GRTP1: variants seen among roughly 807,000 people sequenced by gnomAD.
GRTP1 encodes the protein growth hormone-regulated TBC protein 1.
Under a neutral mutation model 38.1 loss-of-function variants are expected in GRTP1, and 56 were observed. That is an observed-to-expected ratio of 1.47 (90% confidence interval 1.19 to 1.84). The LOEUF is 1.84. Ranked by LOEUF, GRTP1 falls within the 40% of genes most tolerant of loss-of-function variation. The probability of loss-of-function intolerance (pLI) is 0.00; values close to 1 mark genes in which losing one functional copy is unlikely to be tolerated. For synonymous variants in GRTP1, 217 were observed against 189.5 expected (o/e 1.14, Z -1.19); for missense variants, 506 against 453.9 (o/e 1.11, Z -1.04).
chr13:113,347,891 C>T (rs2043193139), intron 4 of GRTP1, among the ~76,000 whole-genome samples: 1 of 146,686 alleles, frequency 6.8e-6, no homozygotes, highest in African/African-American at 2.5e-5. Context: ...AAGCCGAGAG[C>T]AGACCCGGGA....
rs191882542 is a variant in GRTP1 at position 113,347,521 on chromosome 13, C to T, written c.466-2562G>A. On this transcript the variant is annotated intron_variant, in intron 4 of 7. Transcript: ENST00000375431. ...GTGGCCGAGAGCGGACCCAGGAGCA[C>T]CTCTGTGGCTGAGCGGATCCGGGAG... 3.4e-3 allele frequency among the ~76,000 whole-genome samples: 220 copies of T among 64,926 alleles called. 18 individuals are homozygous for T. The Middle Eastern group carries it at 0.041, about 12-fold the overall frequency. The allele number at this position is 64,926 out of a possible 152,430, so 42.6% of individuals were successfully genotyped here.
chr13:113,325,333 C>CG (rs1338847488), intron 7 of GRTP1: 2 of 1,401,622 alleles, frequency 1.4e-6, no homozygotes, highest in African/African-American at 2.9e-5. Flanking sequence ...TGAGTCTATA[C>CG]GGCCTGCGCC....
At chr13:113,363,235 T>C (rs947371180) in intron 2 of GRTP1, among the ~76,000 whole-genome samples, 20 of 151,916 alleles carry the variant, frequency 1.3e-4, no homozygotes, top group Non-Finnish European at 2.4e-4. Flanking sequence ...AAGGACGGAG[T>C]CTCGCTCTGT....
chr13:113,361,905 T>C (rs2043506346), intron 2 of GRTP1: 1 of 152,246 alleles, frequency 6.6e-6, no homozygotes, highest in Admixed American at 6.5e-5. Context: ...TCCCAGCATT[T>C]TGGGAGGCCA....
intron 5 of GRTP1, among the ~76,000 whole-genome samples, chr13:113,327,319 C>T (rs757281792): frequency 6.6e-6 from 1 of 152,166 alleles, no homozygotes; most frequent in Non-Finnish European, 1.5e-5. Context: ...GCTGGGACTA[C>T]AGGTGCTCAC....
rs868663286 is a variant in GRTP1, at chr13:113,331,478, C to T, written c.563-5387G>A. Among the ~76,000 whole-genome samples, 15 of 152,050 alleles carry T rather than the reference C, an allele frequency of 9.9e-5. No individual in the cohort carries two copies. In the South Asian group the frequency reaches 1.4e-3, roughly 15 times the overall value. On this transcript the variant is annotated intron_variant, in intron 5 of 7. Transcript: ENST00000375431. The stretch of plus-strand genomic sequence containing the variant: ...CAAGGACAGCCAGTGCAGGAGCCAC[C>T]CGGGTGCCCACCCAGCAGCTGCGCA...
At position 113,345,751 on chromosome 13, in the gene GRTP1, G is replaced by A. The variant is rs114798904; in HGVS notation, c.466-792C>T. 5.8e-3 allele frequency among the ~76,000 whole-genome samples: 881 copies of A among 152,332 alleles called. 12 individuals carry two copies. Among genetic ancestry groups the A allele is most frequent in the African/African-American group, 0.02 (829 of 41,574 alleles). ...CACAGGGATGTGGCGCTGTTCACCC[G>A]GAGCCAAAGCACTGGAGGACGGGCA... On this transcript the variant is annotated intron_variant, in intron 4 of 7. Coordinates refer to ENST00000375431, the MANE Select transcript of GRTP1 (RefSeq NM_024719.4).
chr13:113,335,263 C>A lies in GRTP1; in HGVS notation c.563-9172G>T, dbSNP rs117006475. ...GGCATTCAATGTGTCATGATCAGACCTGGGTCACTGGAGGCTGGCCGTGGT... is the reference window on the plus strand; with the variant it reads ...GGCATTCAATGTGTCATGATCAGACATGGGTCACTGGAGGCTGGCCGTGGT... On this transcript the variant is annotated intron_variant, in intron 5 of 7. Transcript: ENST00000375431. Among the ~76,000 whole-genome samples the A allele has an allele frequency of 3.3e-5, 5 of 151,936 alleles. No individual in the cohort carries two copies. The East Asian group carries it at 9.7e-4, about 30-fold the overall frequency.
intron 5 of GRTP1, among the ~76,000 whole-genome samples, chr13:113,329,449 G>A (rs2042824614): frequency 6.6e-6 from 1 of 151,120 alleles, no homozygotes; most frequent in Non-Finnish European, 1.5e-5. Flanking sequence ...GTGGTGGCCA[G>A]CACCTGTAAT....
chr13:113,344,031 TAATA>T (rs2043063092), intron 5 of GRTP1, among the ~76,000 whole-genome samples: 1 of 152,188 alleles, frequency 6.6e-6, no homozygotes, highest in African/African-American at 2.4e-5. Context: ...AATTAAACAT[TAATA>T]AATAGAAAAG....
chr13:113,354,699 G>C (rs2043348730), intron 3 of GRTP1, among the ~76,000 whole-genome samples: 1 of 152,026 alleles, frequency 6.6e-6, no homozygotes, highest in Non-Finnish European at 1.5e-5. Context: ...CGGCTATTTT[G>C]TATTTTTAGT....
At chr13:113,337,798 C>T (rs2042974174) in intron 5 of GRTP1, among the ~76,000 whole-genome samples, 1 of 152,246 alleles carries the variant, frequency 6.6e-6, no homozygotes, top group Admixed American at 6.5e-5. Flanking sequence ...CCTCAGGGAA[C>T]CCCACTCGGG....
Position 113,343,068 on chromosome 13 carries a change from G to A in GRTP1, c.562+1795C>T, listed in dbSNP as rs886751501. Among the ~76,000 whole-genome samples the A allele has an allele frequency of 3.9e-5, 6 of 152,114 alleles. No homozygotes were observed. Among genetic ancestry groups the A allele is most frequent in the East Asian group, 1.9e-4 (1 of 5,172 alleles). On this transcript the variant is annotated intron_variant, in intron 5 of 7. Coordinates refer to ENST00000375431, the MANE Select transcript of GRTP1 (RefSeq NM_024719.4). The surrounding 1 kb of genome is among the most constrained non-coding windows in gnomAD (Gnocchi z 4.8). ...ACCGATGTTTCCCACACCCCTGAAC[G>A]GCGCCCAGAACACGATAGGTTTTCA...
intron 5 of GRTP1, 104 bp downstream of exon 5, chr13:113,344,759 A>G: frequency 2.0e-6 from 2 of 1,001,960 alleles, no homozygotes; most frequent in South Asian, 1.5e-5. Context: ...CATCTCCCAA[A>G]CAATTCAACC....
In GRTP1 at chr13:113,325,826, G is replaced by C; in HGVS notation, c.756C>G (p.Asp252Glu). ...LPVETVLRIW[D>E]CLFNEGSKII... ...TCTTCGAGCCTTCGTTAAACAAACA[G>C]TCCCAGATCCGAAGCACTGTCTGCA... The change falls in exon 7 of 8, where the codon GAC becomes GAG. Residue 252 changes from aspartate (D) to glutamate (E), a missense_variant. Coordinates refer to ENST00000375431, the MANE Select transcript of GRTP1 (RefSeq NM_024719.4). The C allele has an allele frequency of 6.2e-7, 1 of 1,614,058 alleles. No individual in the cohort carries two copies. Among genetic ancestry groups the C allele is most frequent in the Non-Finnish European group, 8.5e-7 (1 of 1,179,976 alleles).
chr13:113,339,073 C>G (rs2042993913), intron 5 of GRTP1, among the ~76,000 whole-genome samples: 1 of 152,080 alleles, frequency 6.6e-6, no homozygotes, highest in South Asian at 2.1e-4. Context: ...TGCACCATGC[C>G]CAGCTAATTT....
At chr13:113,363,992 G>A (rs1326748230) in intron 1 of GRTP1, 28 bp downstream of exon 1, 2 of 1,494,702 alleles carry the variant, frequency 1.3e-6, no homozygotes, top group South Asian at 1.3e-5. Flanking sequence ...CGCAGCCGCC[G>A]GGGACGCCCG....
At chr13:113,328,584 A>G (rs978539822) in intron 5 of GRTP1, among the ~76,000 whole-genome samples, 6 of 152,180 alleles carry the variant, frequency 3.9e-5, no homozygotes, top group Non-Finnish European at 8.8e-5. Context: ...CAGTGGTGCT[A>G]TCACAGCTCA....
rs777315633 is a variant in GRTP1, at chr13:113,324,538, C to A, written c.961G>T (p.Val321Phe). The A allele has an allele frequency of 6.2e-7, 1 of 1,611,716 alleles. No homozygotes were observed. Among genetic ancestry groups the A allele is most frequent in the Non-Finnish European group, 8.5e-7 (1 of 1,179,174 alleles). The part of the protein sequence containing the change: ...SEPGSLSMAT[V>F]AKLRESCRAR... ...CTGCAGCTCTCGCGGAGCTTGGCGA[C>A]GGTGGCCATGGATAAGCTTCCAGGT... Residue 321 changes from valine to phenylalanine, a missense_variant, in exon 8 of 8, where the codon GTC becomes TTC. Coordinates refer to ENST00000375431, the MANE Select transcript of GRTP1 (RefSeq NM_024719.4).
Sources: allele counts gnomAD v4.1 joint callset (sites outside exome capture counted in the v4.1 genomes callset), GRCh38; gene constraint gnomAD v4.1.1; non-coding constraint Gnocchi (gnomAD v3.1); transcripts MANE v1.5; gene names NCBI Gene and HGNC (gene_info 2026-07-23, HGNC 2026-07-21).